The following PRKCE variants were observed in gnomAD, a reference collection of about 807,000 sequenced individuals.
PRKCE encodes the protein protein kinase C epsilon, also known as protein kinase C epsilon type.
A neutral mutation model predicts 85.4 loss-of-function variants in PRKCE; 16 were observed. That is an observed-to-expected ratio of 0.19 (90% CI 0.13 to 0.28). PRKCE has a LOEUF of 0.28. Ranked by LOEUF, PRKCE falls within the 10% of genes least tolerant of loss-of-function variation. The pLI is 1.00. For missense variants in PRKCE, 573 were observed against 975.2 expected, an observed-to-expected ratio of 0.59 and a Z score of 5.49; for synonymous variants, 388 against 371.5, an observed-to-expected ratio of 1.04 and a Z score of -0.51.
chr2:45,688,863 G>A (rs879939150), intron 1 of PRKCE, among the ~76,000 whole-genome samples: 6 of 152,220 alleles, frequency 3.9e-5, no homozygotes, highest in Admixed American at 3.9e-4. Flanking sequence ...GCATTAGCCA[G>A]AGACTCTCTT....
chr2:46,111,808 G>A (rs114895540), intron 11 of PRKCE, among the ~76,000 whole-genome samples: 1,589 of 152,228 alleles, frequency 0.01, 38 homozygotes, highest in African/African-American at 0.036. Context: ...TGATGTCTTC[G>A]TTTCTCTTGG....
chr2:46,009,591 C>G (rs1705487851), intron 9 of PRKCE, among the ~76,000 whole-genome samples: 1 of 152,180 alleles, frequency 6.6e-6, no homozygotes, highest in African/African-American at 2.4e-5. Flanking sequence ...ATCACACATC[C>G]TTTCTGAAAA....
chr2:46,149,694 C>T (rs184886712), intron 12 of PRKCE, among the ~76,000 whole-genome samples: 98 of 146,906 alleles, frequency 6.7e-4, no homozygotes, highest in Admixed American at 1.2e-3. Flanking sequence ...ATGTCATCTC[C>T]ATATATATAT....
At chr2:46,173,693 A>G (rs1221427075) in intron 14 of PRKCE, among the ~76,000 whole-genome samples, 1 of 152,218 alleles carries the variant, frequency 6.6e-6, no homozygotes, top group Non-Finnish European at 1.5e-5. Context: ...AACACATGTT[A>G]GAAGTTTGGT....
intron 2 of PRKCE, among the ~76,000 whole-genome samples, chr2:45,915,589 C>T (rs1697706928): frequency 6.6e-6 from 1 of 152,178 alleles, no homozygotes; most frequent in Admixed American, 6.5e-5. Flanking sequence ...AATGAAAGGT[C>T]CTGAGGCCTC....
At chr2:45,986,787 C>T (rs574306549) in intron 6 of PRKCE, among the ~76,000 whole-genome samples, 1 of 152,138 alleles carries the variant, frequency 6.6e-6, no homozygotes, top group Non-Finnish European at 1.5e-5. Context: ...TTCCCGGCAC[C>T]CCTGGAGGTG....
chr2:45,944,846 A>T (rs187811392), intron 2 of PRKCE, among the ~76,000 whole-genome samples: 49 of 152,132 alleles, frequency 3.2e-4, no homozygotes, highest in African/African-American at 1.2e-3. Flanking sequence ...AAGTGACTTC[A>T]CTTATAAATC....
At chr2:46,152,617 C>T (rs576527678) in intron 13 of PRKCE, among the ~76,000 whole-genome samples, 4 of 151,068 alleles carry the variant, frequency 2.6e-5, no homozygotes, top group African/African-American at 7.3e-5. Context: ...GGCGTGATCT[C>T]GGCTCACTGC....
Position 45,971,839 on chromosome 2 carries a change from TA to T in PRKCE, c.413-4589del, listed in dbSNP as rs531138569. Among the ~76,000 whole-genome samples the T allele has an allele frequency of 1.1e-3, 161 of 152,346 alleles. 1 individual carries two copies. The highest frequency in any genetic ancestry group is 6.3e-4 in the Non-Finnish European group (43 of 68,026). Reference sequence around the variant, plus strand: ...GTGTGTATGTGATGAATACACCATATATTTTTTTAACCATTCATCCATAGAT... The same window carrying T: ...GTGTGTATGTGATGAATACACCATATTTTTTTTAACCATTCATCCATAGAT... On this transcript the variant is annotated intron_variant, in intron 2 of 14. Coordinates refer to ENST00000306156, the MANE Select transcript of PRKCE (RefSeq NM_005400.3).
rs1320861497 is a variant in PRKCE at position 46,145,500 on chromosome 2, T to C, written c.1731+269T>C. Among the ~76,000 whole-genome samples the C allele has an allele frequency of 6.6e-6, 1 of 152,210 alleles. No individual in the cohort carries two copies. Among genetic ancestry groups the C allele is most frequent in the African/African-American group, 2.4e-5 (1 of 41,452 alleles). ...GTTCACACTGAACATCTCTTTCCCA[T>C]CCTAGTCCAGAACCACCAATAAATC... On this transcript the variant is annotated intron_variant, in intron 12 of 14. Transcript: ENST00000306156. The surrounding 1 kb of genome is among the most constrained non-coding windows in gnomAD (Gnocchi z 4.6).
Position 45,980,287 on chromosome 2 carries a change from T to C in PRKCE, c.608-9T>C, listed in dbSNP as rs371804879. ...TGTCATTCAGCCTTCCTGTCTTTGC[T>C]ATTTGCAGTCTGCACCTGCGTGGTC... On this transcript the variant is annotated splice_polypyrimidine_tract_variant and intron_variant, in intron 4 of 14. Coordinates refer to ENST00000306156, the MANE Select transcript of PRKCE (RefSeq NM_005400.3). The C allele has an allele frequency of 2.0e-5, 32 of 1,599,454 alleles. No homozygotes were observed. Among genetic ancestry groups the C allele is most frequent in the Non-Finnish European group, 2.5e-5 (30 of 1,179,834 alleles).
intron 1 of PRKCE, among the ~76,000 whole-genome samples, chr2:45,737,620 G>T (rs1328641482): frequency 6.6e-6 from 1 of 151,178 alleles, no homozygotes; most frequent in Non-Finnish European, 1.5e-5. Context: ...CCAAGCGTCT[G>T]CCCTACCTGG....
intron 11 of PRKCE, among the ~76,000 whole-genome samples, chr2:46,090,926 G>A (rs1670105418): frequency 6.6e-6 from 1 of 152,206 alleles, no homozygotes; most frequent in Admixed American, 6.5e-5. Context: ...TGCTTAAGTT[G>A]AGATAGAATT....
intron 1 of PRKCE, chr2:45,770,725 AC>A (rs796354416): frequency 4.6e-5 from 7 of 152,212 alleles, no homozygotes; most frequent in Admixed American, 1.3e-4. Flanking sequence ...CTCTCTCTCA[AC>A]CTGCAGGTCA....
At chr2:45,956,122 T>G (rs1489484987) in intron 2 of PRKCE, among the ~76,000 whole-genome samples, 3 of 152,200 alleles carry the variant, frequency 2.0e-5, no homozygotes, top group African/African-American at 7.2e-5. Flanking sequence ...GAGATTTATT[T>G]ATGTCATTGC....
intron 14 of PRKCE, among the ~76,000 whole-genome samples, chr2:46,163,308 A>G (rs1056577154): frequency 2.6e-5 from 4 of 151,606 alleles, no homozygotes; most frequent in African/African-American, 9.7e-5. Flanking sequence ...ACTGAGAGCC[A>G]TGGGGAAGCT....
Position 45,871,863 on chromosome 2 carries a change from C to G in PRKCE, c.412+28800C>G, listed in dbSNP as rs139642950. 7.8e-3 allele frequency among the ~76,000 whole-genome samples: 1,183 copies of G among 152,242 alleles called. 43 individuals carry two copies. In the South Asian group the frequency reaches 0.099, roughly 13 times the overall value. Reference sequence around the variant, plus strand: ...CCTTACACACTGCGGAGTTTGATGTCTGGGGTCTGATGACGAAGTGGAGAA... The same window carrying G: ...CCTTACACACTGCGGAGTTTGATGTGTGGGGTCTGATGACGAAGTGGAGAA... On this transcript the variant is annotated intron_variant, in intron 2 of 14. Coordinates refer to ENST00000306156, the MANE Select transcript of PRKCE (RefSeq NM_005400.3).
At chr2:46,102,053 G>T (rs1420773626) in intron 11 of PRKCE, among the ~76,000 whole-genome samples, 1 of 152,052 alleles carries the variant, frequency 6.6e-6, no homozygotes, top group Non-Finnish European at 1.5e-5. Flanking sequence ...CGGGAAAGGT[G>T]ATTGTGCGTG....
At chr2:45,997,201 C>G (rs1400699647) in intron 6 of PRKCE, among the ~76,000 whole-genome samples, 1 of 152,204 alleles carries the variant, frequency 6.6e-6, no homozygotes, top group South Asian at 2.1e-4. Context: ...TTCTCTTTCT[C>G]TCTCTCTCTC....
Sources: gnomAD v4.1 joint callset for allele counts (sites outside exome capture counted in the v4.1 genomes callset) on GRCh38, gnomAD v4.1.1 for gene constraint, Gnocchi (gnomAD v3.1) non-coding constraint, MANE v1.5 for transcripts, NCBI Gene and HGNC (gene_info 2026-07-23, HGNC 2026-07-21) for gene names.